SEMA5A: variants seen among roughly 807,000 people sequenced by gnomAD.
SEMA5A encodes the protein semaphorin 5A.
Under a neutral mutation model 135.5 loss-of-function variants are expected in SEMA5A, and 55 were observed. That is an observed-to-expected ratio of 0.41 (90% confidence interval 0.33 to 0.51). The LOEUF is 0.51. SEMA5A is among the 20% of genes least tolerant of loss of function. SEMA5A has a pLI of 0.37. For synonymous variants in SEMA5A, 580 were observed against 546.5 expected, an observed-to-expected ratio of 1.06 and a Z score of -0.85; for missense variants, 1,290 against 1,419.9, an observed-to-expected ratio of 0.91 and a Z score of 1.47.
At chr5:9,431,325 G>T (rs146035179) in intron 2 of SEMA5A, among the ~76,000 whole-genome samples, 143 of 152,318 alleles carry the variant, frequency 9.4e-4, no homozygotes, top group Non-Finnish European at 1.6e-3. Flanking sequence ...CACTGGAAAT[G>T]TAAGTGCACT....
chr5:9,192,820 C>T (rs1181018582), intron 10 of SEMA5A, among the ~76,000 whole-genome samples: 1 of 152,108 alleles, frequency 6.6e-6, no homozygotes, highest in African/African-American at 2.4e-5. Flanking sequence ...TAGCTGCCTA[C>T]CTGCTGGGTG....
chr5:9,525,600 C>T (rs1223573279), intron 1 of SEMA5A, among the ~76,000 whole-genome samples: 1 of 152,212 alleles, frequency 6.6e-6, no homozygotes, highest in Non-Finnish European at 1.5e-5. Context: ...CCTTTTCAAC[C>T]AATCTGCTAA....
At position 9,248,463 on chromosome 5, in the gene SEMA5A, T is replaced by C. The variant is rs571588324; in HGVS notation, c.271-10573A>G. Among the ~76,000 whole-genome samples the C allele has an allele frequency of 5.9e-5, 9 of 151,808 alleles. 1 individual carries two copies. In the South Asian group the frequency reaches 1.9e-3, roughly 32 times the overall value. ...GGGCCTTGAAACACAACTTTGTGTATATCTGAGGGTGGAGCATTGGAGTAG... is the reference window on the plus strand; with the variant it reads ...GGGCCTTGAAACACAACTTTGTGTACATCTGAGGGTGGAGCATTGGAGTAG... On this transcript the variant is annotated intron_variant, in intron 5 of 22. Transcript: ENST00000382496.
chr5:9,537,980 C>T (rs1028838999), intron 1 of SEMA5A, among the ~76,000 whole-genome samples: 1 of 152,124 alleles, frequency 6.6e-6, no homozygotes, highest in African/African-American at 2.4e-5. Context: ...TATGTGGAAA[C>T]CAACTGGTGT....
intron 1 of SEMA5A, among the ~76,000 whole-genome samples, chr5:9,489,166 T>A (rs1422838242): frequency 6.6e-6 from 1 of 152,112 alleles, no homozygotes; most frequent in Non-Finnish European, 1.5e-5. Context: ...TTCAGCAGCT[T>A]TGGCCCAAAT....
chr5:9,500,561 T>G (rs188076920), intron 1 of SEMA5A, among the ~76,000 whole-genome samples: 48 of 152,318 alleles, frequency 3.2e-4, no homozygotes, highest in African/African-American at 1.1e-3. Context: ...AGCTGATCCA[T>G]GCTGATGTCA....
At chr5:9,319,813 A>C (rs1752546217) in intron 4 of SEMA5A, among the ~76,000 whole-genome samples, 1 of 118,076 alleles carries the variant, frequency 8.5e-6, no homozygotes. Flanking sequence ...AATGTTGACT[A>C]TTTTCACTAT....
At chr5:9,522,381 G>A (rs150400445) in intron 1 of SEMA5A, among the ~76,000 whole-genome samples, 1,756 of 152,186 alleles carry the variant, frequency 0.012, 32 homozygotes, top group African/African-American at 0.04. Context: ...TCAGGAGTCC[G>A]AGAACAGCCT....
chr5:9,190,495 T>C (rs367647887), intron 10 of SEMA5A, 24 bp from the exon 11 acceptor site: 8 of 1,609,196 alleles, frequency 5.0e-6, no homozygotes, highest in Non-Finnish European at 6.8e-6. Context: ...CGGGCCAGGT[T>C]ACCAGAGCCG....
intron 21 of SEMA5A, 135 bp from the exon 22 acceptor site, chr5:9,044,719 T>C (rs1736156741): frequency 1.2e-5 from 8 of 684,402 alleles, no homozygotes; most frequent in Non-Finnish European, 2.0e-5. Context: ...ATTATCATTC[T>C]TAAGAGTCTT....
intron 16 of SEMA5A, among the ~76,000 whole-genome samples, chr5:9,105,232 C>A (rs756676958): frequency 6.6e-6 from 1 of 152,174 alleles, no homozygotes; most frequent in African/African-American, 2.4e-5. Context: ...TGGCAAGGGT[C>A]CTTCACTGCC....
At chr5:9,489,088 C>A (rs1017968656) in intron 1 of SEMA5A, among the ~76,000 whole-genome samples, 2 of 152,118 alleles carry the variant, frequency 1.3e-5, no homozygotes, top group African/African-American at 2.4e-5. Context: ...GTACCATTTT[C>A]TCAAGGGCTT....
At chr5:9,269,979 G>T (rs1386129763) in intron 5 of SEMA5A, among the ~76,000 whole-genome samples, 1 of 152,102 alleles carries the variant, frequency 6.6e-6, no homozygotes, top group Non-Finnish European at 1.5e-5. Context: ...TGGTTTCTGG[G>T]AGCTCAGATA....
chr5:9,523,287 C>T (rs1476673000), intron 1 of SEMA5A: 1 of 152,130 alleles, frequency 6.6e-6, no homozygotes, highest in Non-Finnish European at 1.5e-5. Context: ...TATCCTATCA[C>T]AGCCCTGTTA....
chr5:9,544,232 G>C (rs140751466), intron 1 of SEMA5A, among the ~76,000 whole-genome samples: 187 of 152,066 alleles, frequency 1.2e-3, no homozygotes, highest in African/African-American at 4.2e-3. Flanking sequence ...AAACAAACCA[G>C]AACAATCATT....
At chr5:9,340,504 C>G (rs1753599959) in intron 3 of SEMA5A, among the ~76,000 whole-genome samples, 1 of 152,162 alleles carries the variant, frequency 6.6e-6, no homozygotes, top group South Asian at 2.1e-4. Flanking sequence ...AGGAACCAGG[C>G]TAAAGAGACA....
chr5:9,240,554 T>C (rs150549527), intron 5 of SEMA5A, among the ~76,000 whole-genome samples: 2 of 151,632 alleles, frequency 1.3e-5, no homozygotes, highest in East Asian at 3.9e-4. Context: ...TTGACAGACA[T>C]GAAATTAAAA....
intron 14 of SEMA5A, among the ~76,000 whole-genome samples, chr5:9,120,966 C>T (rs140670740): frequency 5.9e-5 from 9 of 151,942 alleles, no homozygotes; most frequent in South Asian, 2.1e-4. Context: ...TTAGTAGAGA[C>T]GGGTTTTCTC....
chr5:9,153,606 G>A (rs974874901), intron 12 of SEMA5A, among the ~76,000 whole-genome samples: 7 of 121,018 alleles, frequency 5.8e-5, no homozygotes, highest in African/African-American at 1.2e-4. Flanking sequence ...GGACAGTGGC[G>A]GGGGAGGGGG....
Sources: allele counts gnomAD v4.1 joint callset (sites outside exome capture counted in the v4.1 genomes callset), GRCh38; gene constraint gnomAD v4.1.1; transcripts MANE v1.5; gene names NCBI Gene and HGNC (gene_info 2026-07-23, HGNC 2026-07-21).